DCLRE1C: variants seen among roughly 807,000 people sequenced by gnomAD.
DCLRE1C encodes DNA cross-link repair 1C.
In DCLRE1C, 47 loss-of-function variants were observed where a neutral mutation model predicts 61.4. The observed-to-expected ratio is 0.77, with a 90% CI of 0.61 to 0.98. DCLRE1C has a LOEUF of 0.98. DCLRE1C is among the 50% of genes least tolerant of loss of function. The pLI is 0.00. For missense variants in DCLRE1C, 858 were observed against 816.0 expected (o/e 1.05, Z -0.63); for synonymous variants, 337 against 287.6 (o/e 1.17, Z -1.74).
intron 2 of DCLRE1C, 58 bp downstream of exon 2, chr10:14,948,978 A>G (rs915168003): frequency 8.4e-7 from 1 of 1,185,448 alleles, no homozygotes; most frequent in African/African-American, 1.5e-5. Flanking sequence ...TTTTCTGTAC[A>G]GTTGTTATCT....
intron 9 of DCLRE1C, among the ~76,000 whole-genome samples, chr10:14,931,475 T>G (rs41297978): frequency 1.4e-3 from 218 of 152,188 alleles, no homozygotes; most frequent in Non-Finnish European, 2.5e-3. Context: ...AGAGAATCGC[T>G]TGAATGTGGG....
downstream of DCLRE1C, chr10:14,902,332 T>G (rs1005622588): frequency 3.9e-6 from 4 of 1,017,716 alleles, no homozygotes; most frequent in African/African-American, 4.9e-5. Flanking sequence ...AAAGCTAATA[T>G]AATAGAAAAT....
chr10:14,909,566 C>A (rs987506113), intron 13 of DCLRE1C, among the ~76,000 whole-genome samples: 1 of 151,478 alleles, frequency 6.6e-6, no homozygotes, highest in African/African-American at 2.4e-5. Context: ...TATATGTAAG[C>A]CTGGCTGATC....
At chr10:14,923,912 C>A (rs1280775653) in intron 11 of DCLRE1C, among the ~76,000 whole-genome samples, 1 of 152,236 alleles carries the variant, frequency 6.6e-6, no homozygotes, top group Non-Finnish European at 1.5e-5. Context: ...TCAAATCCAA[C>A]AATGTGCACT....
At chr10:14,900,268 T>A (rs1389319896), downstream of DCLRE1C, among the ~76,000 whole-genome samples, 1 of 152,162 alleles carries the variant, frequency 6.6e-6, no homozygotes, top group South Asian at 2.1e-4. Flanking sequence ...TTCCAAAAAT[T>A]AGGGAAGTTA....
rs148537381 is a variant in DCLRE1C, at chr10:14,946,160, C to T, written c.162-971G>A. On this transcript the variant is annotated intron_variant, in intron 2 of 13. Coordinates refer to ENST00000378278, the MANE Select transcript of DCLRE1C (RefSeq NM_001033855.3). ...AGTAGCTGGGACTACATGCGCACCA[C>T]CACGCCCAGCTAACTTTTTGTATTT... 2.5e-3 allele frequency among the ~76,000 whole-genome samples: 384 copies of T among 151,436 alleles called. 1 individual carries two copies. Among genetic ancestry groups the T allele is most frequent in the African/African-American group, 8.7e-3 (361 of 41,288 alleles).
At chr10:14,944,095 ATTTG>A (rs1412347508) in intron 3 of DCLRE1C, among the ~76,000 whole-genome samples, 2 of 152,126 alleles carry the variant, frequency 1.3e-5, no homozygotes, top group East Asian at 1.9e-4. Context: ...ACAGCCTGTA[ATTTG>A]TTTATTTTTC....
At chr10:14,927,781 A>C (rs1302087439) in intron 10 of DCLRE1C, among the ~76,000 whole-genome samples, 1 of 152,236 alleles carries the variant, frequency 6.6e-6, no homozygotes, top group African/African-American at 2.4e-5. Context: ...AGATGCCTTC[A>C]GTCTCCAACC....
At position 14,906,487 on chromosome 10, in the gene DCLRE1C, G is replaced by A. The variant is rs960848823; in HGVS notation, c.*1921C>T. On this transcript the variant is annotated 3_prime_UTR_variant, in exon 14 of 14. Transcript: ENST00000378278. Reference sequence around the variant, plus strand: ...AATATATTCAGAGGAATGTTTACAGGCATTTTTTGAACAACCACTTTCGAT... The same window carrying A: ...AATATATTCAGAGGAATGTTTACAGACATTTTTTGAACAACCACTTTCGAT... 2.0e-5 allele frequency among the ~76,000 whole-genome samples: 3 copies of A among 152,158 alleles called. No homozygotes were observed. The highest frequency in any genetic ancestry group is 4.8e-5 in the African/African-American group (2 of 41,432).
chr10:14,900,506 G>T (rs188870556), downstream of DCLRE1C, among the ~76,000 whole-genome samples: 17 of 152,288 alleles, frequency 1.1e-4, no homozygotes, highest in Admixed American at 9.2e-4. Flanking sequence ...ATTAAACATT[G>T]AAGAATTTTT....
chr10:14,916,869 A>C (rs1191419198), intron 13 of DCLRE1C, among the ~76,000 whole-genome samples: 1 of 152,232 alleles, frequency 6.6e-6, no homozygotes, highest in Non-Finnish European at 1.5e-5. Context: ...AATCCTCATC[A>C]AAACCTCAGG....
At chr10:14,939,053 G>C (rs1324508100) in intron 4 of DCLRE1C, among the ~76,000 whole-genome samples, 1 of 152,186 alleles carries the variant, frequency 6.6e-6, no homozygotes, top group East Asian at 1.9e-4. Flanking sequence ...GAAGCCTTGT[G>C]AGTGACATCA....
intron 6 of DCLRE1C, 126 bp from the exon 7 acceptor site, chr10:14,934,901 C>CCT (rs1175675706): frequency 2.8e-6 from 2 of 707,374 alleles, no homozygotes; most frequent in South Asian, 1.5e-5. Flanking sequence ...CTCACTACCA[C>CCT]CTCCTCCACC....
intron 9 of DCLRE1C, among the ~76,000 whole-genome samples, chr10:14,932,160 G>A (rs41297970): frequency 1.9e-4 from 29 of 152,036 alleles, no homozygotes; most frequent in African/African-American, 6.3e-4. Flanking sequence ...GGAGATGGAG[G>A]CTGCAGTGAG....
chr10:14,902,445 C>A (rs1375011691), downstream of DCLRE1C: 2 of 1,610,500 alleles, frequency 1.2e-6, no homozygotes, highest in Admixed American at 3.4e-5. Flanking sequence ...GACCACAGCC[C>A]AGCCAAAAAG....
chr10:14,950,785 C>A (rs1842350659), intron 1 of DCLRE1C, among the ~76,000 whole-genome samples: 1 of 152,218 alleles, frequency 6.6e-6, no homozygotes, highest in Non-Finnish European at 1.5e-5. Context: ...CACCCTGAGG[C>A]CCCTTCCAGC....
chr10:14,946,077 G>A (rs1194598318), intron 2 of DCLRE1C, among the ~76,000 whole-genome samples: 2 of 149,950 alleles, frequency 1.3e-5, no homozygotes, highest in Non-Finnish European at 3.0e-5. Flanking sequence ...GCGCGATCTC[G>A]GCTCAAAGCA....
chr10:14,949,612 G>A (rs893050835), intron 1 of DCLRE1C, among the ~76,000 whole-genome samples: 3 of 152,220 alleles, frequency 2.0e-5, no homozygotes, highest in Non-Finnish European at 4.4e-5. Flanking sequence ...GCTCCACAGC[G>A]CTCCACATTA....
At position 14,945,158 on chromosome 10, in the gene DCLRE1C, T is replaced by G; in HGVS notation, c.193A>C (p.Thr65Pro). The change falls in exon 3 of 14, where the codon ACT becomes CCT. Residue 65 changes from threonine to proline, a missense_variant. Coordinates refer to ENST00000378278, the MANE Select transcript of DCLRE1C (RefSeq NM_001033855.3). ...LKVYLYCSPV[T>P]KELLLTSPKY... ...GGGCTCGTTAACAACAACTCCTTAG[T>G]CACAGGTGAACAGTATAGATAAACC... is the stretch of plus-strand genomic sequence containing the variant. The G allele has an allele frequency of 6.2e-7, 1 of 1,613,050 alleles. No individual in the cohort carries two copies. The highest frequency in any genetic ancestry group is 8.5e-7 in the Non-Finnish European group (1 of 1,179,592).
Sources: allele counts gnomAD v4.1 joint callset (sites outside exome capture counted in the v4.1 genomes callset), GRCh38; gene constraint gnomAD v4.1.1; transcripts MANE v1.5; gene names NCBI Gene and HGNC (gene_info 2026-07-23, HGNC 2026-07-21).